The following EPHB2 variants were observed in gnomAD, a reference collection of about 807,000 sequenced individuals.
EPHB2 encodes EPH receptor B2.
EPHB2 carries 18 observed loss-of-function variants against 96.4 expected under a neutral mutation model. That is an observed-to-expected ratio of 0.19 (90% CI 0.13 to 0.28). The LOEUF (loss-of-function observed/expected upper bound fraction) is 0.28, where lower values mean the gene tolerates loss of function less well. Ranked by LOEUF, EPHB2 falls within the 10% of genes least tolerant of loss-of-function variation. EPHB2 has a pLI of 1.00. For synonymous variants in EPHB2, 506 were observed against 534.1 expected (o/e 0.95, Z 0.72); for missense variants, 989 against 1,355.4 (o/e 0.73, Z 4.25).
At chr1:22,791,839 A>T (rs887882614) in intron 3 of EPHB2, among the ~76,000 whole-genome samples, 1 of 152,014 alleles carries the variant, frequency 6.6e-6, no homozygotes, top group African/African-American at 2.4e-5. Flanking sequence ...TGCTGCTGAT[A>T]TTTGCGTAGG....
At chr1:22,808,255 C>T (rs1315413671) in intron 3 of EPHB2, among the ~76,000 whole-genome samples, 3 of 152,196 alleles carry the variant, frequency 2.0e-5, no homozygotes, top group Non-Finnish European at 4.4e-5. Context: ...AACCTGAATG[C>T]GGTGCTGCAC....
At chr1:22,819,296 G>A (rs1329400771) in intron 3 of EPHB2, among the ~76,000 whole-genome samples, 1 of 143,470 alleles carries the variant, frequency 7.0e-6, no homozygotes, top group Non-Finnish European at 1.5e-5. Context: ...TCCATCTCCG[G>A]CCACCGCCTC....
chr1:22,820,391 T>C (rs10917305), intron 3 of EPHB2, among the ~76,000 whole-genome samples: 35,791 of 152,182 alleles, frequency 0.24, 4,652 homozygotes, highest in East Asian at 0.54. Context: ...CTGAGCGCGG[T>C]GGCTCACGCC....
intron 1 of EPHB2, among the ~76,000 whole-genome samples, chr1:22,764,037 TC>T (rs1422847753): frequency 3.3e-5 from 5 of 152,130 alleles, no homozygotes; most frequent in African/African-American, 1.2e-4. Context: ...TCCCCACATC[TC>T]ACGATTCCTA....
Position 22,783,206 on chromosome 1 carries a change from G to A in EPHB2, c.127-1186G>A, listed in dbSNP as rs532199605. 3.3e-5 allele frequency among the ~76,000 whole-genome samples: 5 copies of A among 152,300 alleles called. No homozygotes were observed. In the East Asian group the frequency reaches 9.7e-4, roughly 29 times the overall value. On this transcript the variant is annotated intron_variant, in intron 2 of 15. Transcript: ENST00000374630. ...CCTGGGTCAAATGACCTCACTTCTA[G>A]TCTCTACTCCCTCATCCTCTGTAAA...
At chr1:22,714,524 C>T (rs1406581045) in intron 1 of EPHB2, among the ~76,000 whole-genome samples, 2 of 152,052 alleles carry the variant, frequency 1.3e-5, no homozygotes, top group Non-Finnish European at 1.5e-5. Context: ...TTGAGGGCAG[C>T]AGTGGGGGTT....
chr1:22,905,886 A>T (rs769493844), intron 9 of EPHB2, 101 bp from the exon 10 acceptor site: 72 of 1,588,826 alleles, frequency 4.5e-5, no homozygotes, highest in Non-Finnish European at 6.0e-5. Context: ...TGGGGGCCAC[A>T]TGGGAGTGGA....
At chr1:22,772,205 G>A (rs1400635456) in intron 1 of EPHB2, among the ~76,000 whole-genome samples, 1 of 152,190 alleles carries the variant, frequency 6.6e-6, no homozygotes, top group Non-Finnish European at 1.5e-5. Context: ...TGAGCAGCCA[G>A]GCTGGCCCGG....
intron 13 of EPHB2, among the ~76,000 whole-genome samples, chr1:22,909,408 G>T (rs945825022): frequency 1.3e-5 from 2 of 152,228 alleles, no homozygotes; most frequent in Non-Finnish European, 2.9e-5. Flanking sequence ...ACATCAGCAC[G>T]TCTTCAGGAC....
intron 3 of EPHB2, among the ~76,000 whole-genome samples, chr1:22,833,619 T>C (rs535221939): frequency 6.6e-5 from 10 of 152,210 alleles, no homozygotes; most frequent in South Asian, 4.1e-4. Flanking sequence ...ATATAACTTC[T>C]GAAGCAGCAG....
chr1:22,805,397 C>T lies in EPHB2; in HGVS notation c.811+20321C>T, dbSNP rs949064236. Among the ~76,000 whole-genome samples the T allele has an allele frequency of 2.6e-5, 4 of 152,272 alleles. No individual in the cohort carries two copies. The South Asian group carries it at 8.3e-4, about 32-fold the overall frequency. On this transcript the variant is annotated intron_variant, in intron 3 of 15. Coordinates refer to ENST00000374630, the MANE Select transcript of EPHB2 (RefSeq NM_017449.5). ...CAGAGTGGGCTGAGATAAATGTCTC[C>T]TGACCTCCTGTGGTACTCCCCAAGG...
chr1:22,864,114 C>A (rs1004210362), intron 4 of EPHB2, among the ~76,000 whole-genome samples: 14 of 149,172 alleles, frequency 9.4e-5, no homozygotes, highest in African/African-American at 3.5e-4. Flanking sequence ...ATCATGATCT[C>A]AGCTCATGGC....
At chr1:22,813,912 C>T (rs141022919) in intron 3 of EPHB2, among the ~76,000 whole-genome samples, 21 of 152,304 alleles carry the variant, frequency 1.4e-4, no homozygotes, top group African/African-American at 3.8e-4. Flanking sequence ...CAGTGACTCA[C>T]GCCTGTAATC....
chr1:22,895,950 G>C (rs990314708), intron 8 of EPHB2, among the ~76,000 whole-genome samples: 3 of 152,238 alleles, frequency 2.0e-5, no homozygotes, highest in South Asian at 2.1e-4. Context: ...GTGCTGGAAA[G>C]ACAGGGAGGA....
At chr1:22,835,020 T>C (rs1645359321) in intron 3 of EPHB2, among the ~76,000 whole-genome samples, 1 of 152,176 alleles carries the variant, frequency 6.6e-6, no homozygotes, top group African/African-American at 2.4e-5. Context: ...CTTGCCAGGA[T>C]TGGCGATGAC....
intron 1 of EPHB2, among the ~76,000 whole-genome samples, chr1:22,736,068 C>T (rs1323525564): frequency 6.6e-6 from 1 of 152,172 alleles, no homozygotes; most frequent in Non-Finnish European, 1.5e-5. Context: ...ATAAATAGCA[C>T]TAAGAGACAT....
At chr1:22,814,478 G>A (rs969661352) in intron 3 of EPHB2, among the ~76,000 whole-genome samples, 1 of 152,114 alleles carries the variant, frequency 6.6e-6, no homozygotes, top group Non-Finnish European at 1.5e-5. Context: ...GTGGGGGGGT[G>A]CAAATGGAGG....
chr1:22,756,230 G>A (rs560897967), intron 1 of EPHB2, among the ~76,000 whole-genome samples: 40 of 152,248 alleles, frequency 2.6e-4, no homozygotes, highest in Admixed American at 7.2e-4. Context: ...GGCAGGCCAC[G>A]AGTAGGGAGT....
At chr1:22,754,578 G>A (rs1293171489) in intron 1 of EPHB2, among the ~76,000 whole-genome samples, 2 of 151,282 alleles carry the variant, frequency 1.3e-5, no homozygotes, top group African/African-American at 2.4e-5. Context: ...GGTGTGCAGT[G>A]GAGCTTACCA....
Sources: allele counts gnomAD v4.1 joint callset (sites outside exome capture counted in the v4.1 genomes callset), GRCh38; gene constraint gnomAD v4.1.1; transcripts MANE v1.5; gene names NCBI Gene and HGNC (gene_info 2026-07-23, HGNC 2026-07-21).